The following KIF1A variants were observed in gnomAD, a reference collection of about 807,000 sequenced individuals.
KIF1A encodes the protein kinesin-like protein KIF1A.
Under a neutral mutation model 227.3 loss-of-function variants are expected in KIF1A, and 46 were observed. The observed-to-expected ratio is 0.20, with a 90% confidence interval of 0.16 to 0.26. KIF1A has a LOEUF of 0.26. Among genes scored for constraint, KIF1A ranks in the 10% least tolerant of loss-of-function variants. The pLI, the probability that KIF1A is intolerant of heterozygous loss-of-function variation, is 1.00. For missense variants in KIF1A, 1,683 were observed against 2,485.9 expected (o/e 0.68, Z 6.87); for synonymous variants, 1,022 against 1,012.8 (o/e 1.01, Z -0.17).
rs775671134 is a variant in KIF1A at position 240,741,355 on chromosome 2, T to A, written c.3663A>T (p.Thr1221=). The change falls in exon 35 of 49, where the codon ACA becomes ACT. Residue 1221 remains threonine, a synonymous_variant. Transcript: ENST00000498729. Reference sequence around the variant, plus strand: ...AGGGTCCCGGACAGGGCCGCGTCAGTGTGCTGAGCTTGGTGGCGGGCACTG... The same window carrying A: ...AGGGTCCCGGACAGGGCCGCGTCAGAGTGCTGAGCTTGGTGGCGGGCACTG... ...SKPVPATKLS[T]LTRPCPGPCH... The A allele has an allele frequency of 5.1e-6, 8 of 1,583,534 alleles. No individual in the cohort carries two copies. The South Asian group carries it at 9.2e-5, about 18-fold the overall frequency.
chr2:240,760,954 G>A lies in KIF1A; in HGVS notation c.2266-111C>T, dbSNP rs553021489. ...AGATTTCAGCTGCCTGCCCCACAAT[G>A]GTTCACTGGAACCTTTCAGACAGCC... is the stretch of plus-strand genomic sequence containing the variant. On this transcript the variant is annotated intron_variant, in intron 24 of 48. Coordinates refer to ENST00000498729, the MANE Select transcript of KIF1A (RefSeq NM_001244008.2). 3.3e-4 allele frequency: 368 copies of A among 1,123,234 alleles called. 2 individuals carry two copies. In the African/African-American group the frequency reaches 5.3e-3, roughly 16 times the overall value. The allele number at this position is 1,123,234 out of a possible 1,614,324, so 69.6% of individuals were successfully genotyped here.
At chr2:240,762,913 G>GC (rs1287546692) in intron 22 of KIF1A, 101 bp from the exon 23 acceptor site, 1 of 1,377,744 alleles carries the variant, frequency 7.3e-7, no homozygotes, top group Non-Finnish European at 9.8e-7. Flanking sequence ...CTGTTTAGAT[G>GC]CAAGAGATGG....
chr2:240,771,444 C>T (rs750622044), intron 14 of KIF1A: 58 of 401,400 alleles, frequency 1.4e-4, no homozygotes, highest in Non-Finnish European at 2.4e-4. Context: ...TGGCACAGAC[C>T]TAGGCACTCT....
At chr2:240,764,749 AC>A (rs1370061584) in intron 20 of KIF1A, among the ~76,000 whole-genome samples, 3 of 152,126 alleles carry the variant, frequency 2.0e-5, no homozygotes, top group African/African-American at 7.2e-5. Context: ...TGTGCTCCAC[AC>A]CTGCAATCAG....
chr2:240,810,971 C>G (rs1294853936), intron 1 of KIF1A, among the ~76,000 whole-genome samples: 1 of 152,200 alleles, frequency 6.6e-6, no homozygotes, highest in African/African-American at 2.4e-5. Flanking sequence ...GTTGGAAATG[C>G]CTTATTTTGA....
intron 24 of KIF1A, 87 bp downstream of exon 24, chr2:240,761,142 G>A: frequency 6.9e-7 from 1 of 1,457,052 alleles, no homozygotes; most frequent in Non-Finnish European, 9.4e-7. Context: ...AGAGAGCCAA[G>A]TGCTGAGTCC....
chr2:240,771,547 T>C (rs574525290), intron 14 of KIF1A, among the ~76,000 whole-genome samples: 5 of 152,266 alleles, frequency 3.3e-5, no homozygotes, highest in Admixed American at 3.3e-4. Context: ...CCCCCACACC[T>C]GAGGGCTGGG....
intron 1 of KIF1A, among the ~76,000 whole-genome samples, chr2:240,809,236 A>T (rs1206535149): frequency 6.6e-6 from 1 of 152,248 alleles, no homozygotes; most frequent in Non-Finnish European, 1.5e-5. Flanking sequence ...TTGCTTCTAG[A>T]AATGTATATG....
chr2:240,801,953 G>T (rs1257766229), intron 1 of KIF1A, among the ~76,000 whole-genome samples: 1 of 152,172 alleles, frequency 6.6e-6, no homozygotes, highest in Non-Finnish European at 1.5e-5. Flanking sequence ...ACCATGGATT[G>T]TCCAAAGCTG....
chr2:240,772,787 C>T (rs1575603113), intron 13 of KIF1A, among the ~76,000 whole-genome samples, 191 bp from the exon 14 acceptor site: 1 of 152,192 alleles, frequency 6.6e-6, no homozygotes, highest in Admixed American at 6.5e-5. Context: ...CCACAGCCTG[C>T]CTATGGGGCT....
intron 38 of KIF1A, among the ~76,000 whole-genome samples, chr2:240,727,554 G>A (rs1048673783): frequency 1.4e-4 from 22 of 152,362 alleles, no homozygotes; most frequent in African/African-American, 4.8e-4. Context: ...CCCGGGGGGA[G>A]GATGCTTGGC....
In KIF1A at chr2:240,760,742, GA is replaced by G; in HGVS notation, c.2366del (p.Phe789SerfsTer32). 2 of 1,598,618 alleles carry G rather than the reference GA, an allele frequency of 1.3e-6. No individual in the cohort carries two copies. The highest frequency in any genetic ancestry group is 1.3e-5 in the African/African-American group (1 of 74,410). On this transcript the variant is annotated frameshift_variant, in exon 25 of 49. Transcript: ENST00000498729. LOFTEE classifies it high-confidence loss of function. ...EAAKDRETRP[F>X]PRTIVAVEVQ... ...CCTCCACGGCCACAATGGTGCGGGG[GA>G]AGGGCCGCGTCTCTCGGTCTTTGGC... is the stretch of plus-strand genomic sequence containing the variant.
chr2:240,799,857 G>A (rs1167735255), intron 1 of KIF1A, among the ~76,000 whole-genome samples: 1 of 152,112 alleles, frequency 6.6e-6, no homozygotes, highest in African/African-American at 2.4e-5. Flanking sequence ...ATTGATGAAA[G>A]CAGATATTCC....
At chr2:240,772,013 A>C (rs2052069786) in intron 14 of KIF1A, among the ~76,000 whole-genome samples, 1 of 152,188 alleles carries the variant, frequency 6.6e-6, no homozygotes, top group Non-Finnish European at 1.5e-5. Context: ...AGCCCCATGG[A>C]GCCAGACCCG....
chr2:240,761,243 C>A lies in KIF1A; in HGVS notation c.2251G>T (p.Glu751Ter). The A allele has an allele frequency of 6.2e-7, 1 of 1,612,926 alleles. No homozygotes were observed. The highest frequency in any genetic ancestry group is 8.5e-7 in the Non-Finnish European group (1 of 1,179,306). ...GGGCAGCCCACCTTCTTTTTCAGCT[C>A]CACGCTGATGGCATTGGCCTCCTTG... Reference protein sequence around the residue: ...FLKEANAISVELKKKVQFQFV... With the variant: ...FLKEANAISV Residue 751 changes from glutamate to a stop codon, truncating the protein, a stop_gained, in exon 24 of 49, where the codon GAG (glutamate) becomes TAG (stop). Coordinates refer to ENST00000498729, the MANE Select transcript of KIF1A (RefSeq NM_001244008.2). LOFTEE classifies it high-confidence loss of function.
At chr2:240,724,488 A>G in intron 40 of KIF1A, 1 of 221,464 alleles carries the variant, frequency 4.5e-6, no homozygotes, top group South Asian at 6.4e-5. Context: ...ACAATTACTG[A>G]GTGACCTCCA....
rs748893572 is a variant in KIF1A, at chr2:240,766,923, C to A, written c.1676G>T (p.Gly559Val). 3.7e-6 allele frequency: 6 copies of A among 1,608,458 alleles called. No individual in the cohort carries two copies. The highest frequency in any genetic ancestry group is 5.1e-6 in the Non-Finnish European group (6 of 1,177,556). ...HCVFRSDSRGGSEAVVTLEPC... is the reference protein window; with the variant it reads ...HCVFRSDSRGVSEAVVTLEPC... ...CGGTAGGGTGGTGATACCTTCGCTG[C>A]CTCCCCTGGAGTCGCTCCGGAAGAC... Residue 559 changes from glycine to valine, a missense_variant, in exon 19 of 49, where the codon GGC becomes GTC. Physicochemically the swap from Gly to Val is moderately radical, Grantham distance 109. Coordinates refer to ENST00000498729, the MANE Select transcript of KIF1A (RefSeq NM_001244008.2). This position sits in a 1 kb window ranked among gnomAD's most constrained non-coding sequence, Gnocchi z 5.0.
At chr2:240,756,063 G>C (rs1276926903) in intron 27 of KIF1A, among the ~76,000 whole-genome samples, 1 of 152,072 alleles carries the variant, frequency 6.6e-6, no homozygotes, top group Admixed American at 6.6e-5. Context: ...TAAATCCATG[G>C]CACCTGCCCA....
intron 27 of KIF1A, among the ~76,000 whole-genome samples, chr2:240,754,295 C>T (rs1333323849): frequency 6.6e-6 from 1 of 152,228 alleles, no homozygotes; most frequent in Non-Finnish European, 1.5e-5. Flanking sequence ...ATGGCACTGA[C>T]CTCGGGCCCC....
Sources: allele counts gnomAD v4.1 joint callset (sites outside exome capture counted in the v4.1 genomes callset), GRCh38; gene constraint gnomAD v4.1.1; non-coding constraint Gnocchi (gnomAD v3.1); transcripts MANE v1.5; gene names NCBI Gene and HGNC (gene_info 2026-07-23, HGNC 2026-07-21).